The following RGS7 variants were observed in gnomAD, a reference collection of about 807,000 sequenced individuals.
RGS7 encodes the protein regulator of G protein signaling 7, also known as regulator of G-protein signaling 7.
Under a neutral mutation model 81.1 loss-of-function variants are expected in RGS7, and 27 were observed. The ratio of observed to expected loss-of-function variants is 0.33; its 90% CI spans 0.25 to 0.46. The LOEUF (loss-of-function observed/expected upper bound fraction) is 0.46, where lower values mean the gene tolerates loss of function less well. Ranked by LOEUF, RGS7 falls within the 20% of genes least tolerant of loss-of-function variation. The pLI, the probability that RGS7 is intolerant of heterozygous loss-of-function variation, is 1.00. For synonymous variants in RGS7, 208 were observed against 207.7 expected, an observed-to-expected ratio of 1.00 and a Z score of -0.01; for missense variants, 396 against 607.4, an observed-to-expected ratio of 0.65 and a Z score of 3.66.
At chr1:241,193,450 T>C (rs1205121510) in intron 2 of RGS7, among the ~76,000 whole-genome samples, 1 of 152,234 alleles carries the variant, frequency 6.6e-6, no homozygotes, top group African/African-American at 2.4e-5. Flanking sequence ...TCCTGAAAAT[T>C]AGCTAATGTG....
intron 2 of RGS7, chr1:241,132,133 T>G (rs2103043024): frequency 6.5e-6 from 1 of 153,152 alleles, no homozygotes; most frequent in Non-Finnish European, 1.5e-5. Context: ...ATAAACACAA[T>G]TTAATCCTCT....
intron 3 of RGS7, among the ~76,000 whole-genome samples, chr1:241,035,180 T>A (rs1226266234): frequency 6.6e-6 from 1 of 152,030 alleles, no homozygotes; most frequent in Non-Finnish European, 1.5e-5. Flanking sequence ...GTAGCAAGAT[T>A]AACAGCAAGA....
intron 4 of RGS7, among the ~76,000 whole-genome samples, chr1:240,944,834 C>G (rs1273542508): frequency 6.6e-6 from 1 of 152,240 alleles, no homozygotes; most frequent in Non-Finnish European, 1.5e-5. Context: ...CTGCCTCCGC[C>G]TCTCAAGTAG....
chr1:240,912,748 A>T, intron 6 of RGS7, among the ~76,000 whole-genome samples: 1 of 151,878 alleles, frequency 6.6e-6, no homozygotes, highest in East Asian at 1.9e-4. Context: ...TATATAAATA[A>T]ATATATATAT....
intron 10 of RGS7, among the ~76,000 whole-genome samples, chr1:240,821,838 T>C (rs892510248): frequency 2.6e-5 from 4 of 152,202 alleles, no homozygotes; most frequent in African/African-American, 7.2e-5. Flanking sequence ...CTTACTGTTA[T>C]TTTGAAATAT....
chr1:241,288,508 C>G (rs1355440154), intron 2 of RGS7, among the ~76,000 whole-genome samples: 1 of 152,126 alleles, frequency 6.6e-6, no homozygotes, highest in African/African-American at 2.4e-5. Flanking sequence ...CCACCCAAAT[C>G]TGATAAATGT....
chr1:241,338,121 T>C lies in RGS7; in HGVS notation c.78+17578A>G, dbSNP rs111315125. ...CATATTTTGCTTTGTTGTGTAGCTA[T>C]TTTTTATATATTGAGGTGCCACAAA... is the stretch of plus-strand genomic sequence containing the variant. On this transcript the variant is annotated intron_variant, in intron 2 of 18. Transcript: ENST00000440928. 3.8e-3 allele frequency among the ~76,000 whole-genome samples: 584 copies of C among 152,294 alleles called. 2 individuals carry two copies. The highest frequency in any genetic ancestry group is 6.3e-3 in the Non-Finnish European group (431 of 68,020).
chr1:240,875,623 G>A (rs1665270439), intron 6 of RGS7, among the ~76,000 whole-genome samples: 1 of 152,100 alleles, frequency 6.6e-6, no homozygotes, highest in South Asian at 2.1e-4. Flanking sequence ...TTTCCATAAT[G>A]GCCGTACTAA....
intron 2 of RGS7, among the ~76,000 whole-genome samples, chr1:241,227,656 T>C (rs1175125313): frequency 6.6e-6 from 1 of 151,518 alleles, no homozygotes. Context: ...GAGGTTTGCT[T>C]GAGCCCAGGA....
At chr1:241,204,277 G>A (rs956223744) in intron 2 of RGS7, among the ~76,000 whole-genome samples, 1 of 152,120 alleles carries the variant, frequency 6.6e-6, no homozygotes. Flanking sequence ...GGATCCCAGA[G>A]GAATAAAAAG....
chr1:241,005,799 T>C (rs2058662593), intron 3 of RGS7, among the ~76,000 whole-genome samples: 2 of 152,170 alleles, frequency 1.3e-5, no homozygotes, highest in Non-Finnish European at 2.9e-5. Context: ...CCTCCCAAAG[T>C]GCTGAGATTA....
intron 3 of RGS7, among the ~76,000 whole-genome samples, chr1:241,086,861 C>T (rs907705466): frequency 6.6e-6 from 1 of 152,176 alleles, no homozygotes; most frequent in African/African-American, 2.4e-5. Context: ...TTCACACCTT[C>T]GAGCTGTTGC....
chr1:240,985,208 C>T (rs946955438), intron 3 of RGS7, among the ~76,000 whole-genome samples: 2 of 152,214 alleles, frequency 1.3e-5, no homozygotes, highest in African/African-American at 2.4e-5. Context: ...TGTCGATTCC[C>T]AGATACACAA....
rs1226958664 is a variant in RGS7, at chr1:240,868,070, AAAAG to A, written c.609+513_609+516del. Reference sequence around the variant, plus strand: ...AAGAAAGAAAGAAAGAAAAGAAGAGAAAAGAAAGAAAGAAAAAGAAAGAAAAGAA... The same window carrying A: ...AAGAAAGAAAGAAAGAAAAGAAGAGAAAAGAAAGAAAAAGAAAGAAAAGAA... On this transcript the variant is annotated intron_variant, in intron 9 of 18. Coordinates refer to ENST00000440928, the MANE Select transcript of RGS7 (RefSeq NM_001364886.1). The surrounding 1 kb of genome is among the most constrained non-coding windows in gnomAD (Gnocchi z 5.1). Among the ~76,000 whole-genome samples, 5 of 149,856 alleles carry A rather than the reference AAAAG, an allele frequency of 3.3e-5. No individual in the cohort carries two copies. Among genetic ancestry groups the A allele is most frequent in the African/African-American group, 1.2e-4 (5 of 40,072 alleles).
intron 3 of RGS7, among the ~76,000 whole-genome samples, chr1:241,068,224 T>TTGTGTGTG (rs71568983): frequency 3.6e-5 from 2 of 55,830 alleles, no homozygotes; most frequent in Non-Finnish European, 7.0e-5. Context: ...TATCCATAAA[T>TTGTGTGTG]TGTGTGTGTG....
intron 6 of RGS7, among the ~76,000 whole-genome samples, chr1:240,930,355 A>G (rs1229021932): frequency 6.6e-6 from 1 of 152,074 alleles, no homozygotes; most frequent in Non-Finnish European, 1.5e-5. Context: ...CTTACTAAAA[A>G]GCACACAGCT....
chr1:241,151,171 T>A (rs1488631851), intron 2 of RGS7, among the ~76,000 whole-genome samples: 1 of 152,180 alleles, frequency 6.6e-6, no homozygotes, highest in African/African-American at 2.4e-5. Context: ...AAACAATGTT[T>A]CACCAGCCAT....
intron 2 of RGS7, among the ~76,000 whole-genome samples, chr1:241,312,588 T>C (rs151040760): frequency 6.6e-6 from 1 of 152,296 alleles, no homozygotes; most frequent in East Asian, 1.9e-4. Flanking sequence ...CCACACCCCT[T>C]TAAAATGGTG....
chr1:241,124,131 A>G (rs1457861070), intron 2 of RGS7, among the ~76,000 whole-genome samples: 1 of 152,044 alleles, frequency 6.6e-6, no homozygotes, highest in African/African-American at 2.4e-5. Flanking sequence ...TGGTAGCTCA[A>G]GCCTCTAATT....
Sources: allele counts gnomAD v4.1 joint callset (sites outside exome capture counted in the v4.1 genomes callset), GRCh38; gene constraint gnomAD v4.1.1; non-coding constraint Gnocchi (gnomAD v3.1); transcripts MANE v1.5; gene names NCBI Gene and HGNC (gene_info 2026-07-23, HGNC 2026-07-21).